IQCB1: variants seen among roughly 807,000 people sequenced by gnomAD.
IQCB1 encodes the protein IQ motif containing B1.
IQCB1 carries 56 observed loss-of-function variants against 84.4 expected under a neutral mutation model. The observed-to-expected ratio is 0.66, with a 90% CI of 0.54 to 0.83. The LOEUF (loss-of-function observed/expected upper bound fraction) is 0.83. Among genes scored for constraint, IQCB1 ranks in the 40% least tolerant of loss-of-function variants. The pLI is 0.00. For missense variants in IQCB1, 629 were observed against 682.1 expected, an observed-to-expected ratio of 0.92 and a Z score of 0.87; for synonymous variants, 210 against 234.8, an observed-to-expected ratio of 0.89 and a Z score of 0.96.
At chr3:121,814,669 A>G (rs1949979074) in intron 5 of IQCB1, among the ~76,000 whole-genome samples, 1 of 152,228 alleles carries the variant, frequency 6.6e-6, no homozygotes, top group Admixed American at 6.5e-5. Flanking sequence ...GAAGAAATGG[A>G]CAAATTCCTG....
intron 13 of IQCB1, 41 bp from the exon 14 acceptor site, chr3:121,772,754 T>C (rs754431096): frequency 1.2e-5 from 19 of 1,607,522 alleles, no homozygotes; most frequent in South Asian, 2.2e-5. Flanking sequence ...AGAGAGGACA[T>C]AGGTATCAAA....
chr3:121,794,630 C>A (rs1390025149), intron 10 of IQCB1, among the ~76,000 whole-genome samples: 1 of 152,098 alleles, frequency 6.6e-6, no homozygotes, highest in Non-Finnish European at 1.5e-5. Context: ...AAACGTTCAT[C>A]AATTAATAGG....
intron 10 of IQCB1, among the ~76,000 whole-genome samples, chr3:121,792,250 T>C (rs1333169521): frequency 6.6e-6 from 1 of 152,176 alleles, no homozygotes; most frequent in Non-Finnish European, 1.5e-5. Flanking sequence ...ATTTAATCTG[T>C]CAGAAAACTG....
chr3:121,808,206 T>C (rs550773556), intron 6 of IQCB1, among the ~76,000 whole-genome samples: 2 of 152,010 alleles, frequency 1.3e-5, no homozygotes, highest in South Asian at 2.1e-4. Context: ...GGGTCAGGGA[T>C]TGTGTGTGTT....
At chr3:121,787,548 C>T (rs973618082) in intron 12 of IQCB1, among the ~76,000 whole-genome samples, 2 of 151,988 alleles carry the variant, frequency 1.3e-5, no homozygotes, top group Non-Finnish European at 2.9e-5. Context: ...GTCTAGAGAT[C>T]GAGACCATCC....
At chr3:121,793,793 T>C (rs1488984764) in intron 10 of IQCB1, among the ~76,000 whole-genome samples, 1 of 152,194 alleles carries the variant, frequency 6.6e-6, no homozygotes, top group Admixed American at 6.5e-5. Context: ...AATAATGGAA[T>C]ATTAGATTCC....
chr3:121,811,051 G>A (rs748449507), intron 5 of IQCB1, among the ~76,000 whole-genome samples: 27 of 152,164 alleles, frequency 1.8e-4, no homozygotes, highest in Non-Finnish European at 3.4e-4. Context: ...TAGCAATGCA[G>A]AAGGCAGTGA....
At position 121,797,190 on chromosome 3, in the gene IQCB1, A is replaced by G. The variant is rs765859616; in HGVS notation, c.804T>C (p.Thr268=). Residue 268 remains threonine, a synonymous_variant, in exon 9 of 15, where the codon ACT becomes ACC. Transcript: ENST00000310864. ...GCTGTCTAAGTTCTTGACTGAATTC[A>G]GTCCCAGTTTCCTGTTTACTTAGTA... ...RRLLSKQETG[T]EFSQELRQLV... 8.7e-6 allele frequency: 14 copies of G among 1,609,308 alleles called. No homozygotes were observed. Among genetic ancestry groups the G allele is most frequent in the Non-Finnish European group, 1.1e-5 (13 of 1,176,776 alleles).
At chr3:121,811,827 G>A (rs1039941159) in intron 5 of IQCB1, among the ~76,000 whole-genome samples, 2 of 152,202 alleles carry the variant, frequency 1.3e-5, no homozygotes, top group African/African-American at 4.8e-5. Flanking sequence ...TGGGGACAGG[G>A]GAGACTGTGG....
intron 13 of IQCB1, 150 bp downstream of exon 13, chr3:121,781,593 T>A: frequency 1.3e-6 from 1 of 754,046 alleles, no homozygotes; most frequent in East Asian, 2.7e-5. Context: ...ATTACTTCTA[T>A]GGTAAAGCCA....
rs747859831 is a variant in IQCB1 at position 121,797,097 on chromosome 3, T to C, written c.876+21A>G. ...ATAGTCAGCAAATATCATGCAATTT[T>C]TTTTTTTTGTAACTTAATACCTGCT... is the stretch of plus-strand genomic sequence containing the variant. On this transcript the variant is annotated intron_variant, in intron 9 of 14. Transcript: ENST00000310864. The C allele has an allele frequency of 9.6e-6, 12 of 1,250,640 alleles. No homozygotes were observed. In the South Asian group the frequency reaches 1.4e-4, roughly 15 times the overall value. 77.5% of individuals were successfully genotyped at this position (1,250,640 alleles called of 1,614,324 possible).
chr3:121,804,601 T>A (rs547361005), intron 7 of IQCB1, among the ~76,000 whole-genome samples: 1 of 152,276 alleles, frequency 6.6e-6, no homozygotes, highest in Admixed American at 6.5e-5. Flanking sequence ...TCTCTATTTC[T>A]CTATATAATG....
Position 121,781,779 on chromosome 3 carries a change from C to T in IQCB1, c.1374G>A (p.Leu458=). The change falls in exon 13 of 15, where the codon CTG becomes CTA. Residue 458 remains leucine (L), a synonymous_variant. Transcript: ENST00000310864. ...QELTDARRVE[L]KKRVDDYVRR... ...TGACATAGTCATCCACTCGTTTCTTCAGTTCAACTCGGCGTGCATCAGTGA... is the reference window on the plus strand; with the variant it reads ...TGACATAGTCATCCACTCGTTTCTTTAGTTCAACTCGGCGTGCATCAGTGA... The T allele has an allele frequency of 6.2e-7, 1 of 1,613,816 alleles. No individual in the cohort carries two copies. The highest frequency in any genetic ancestry group is 8.5e-7 in the Non-Finnish European group (1 of 1,179,824).
At chr3:121,790,260 T>A (rs1220309438) in intron 10 of IQCB1, 45 bp from the exon 11 acceptor site, 3 of 1,568,844 alleles carry the variant, frequency 1.9e-6, no homozygotes, top group Admixed American at 1.7e-5. Flanking sequence ...ATAAATCATA[T>A]GAAAAAATGC....
At chr3:121,798,670 T>A (rs1219803738) in intron 8 of IQCB1, among the ~76,000 whole-genome samples, 1 of 151,972 alleles carries the variant, frequency 6.6e-6, no homozygotes, top group Non-Finnish European at 1.5e-5. Context: ...TGAAAGCTAT[T>A]ATATGAGAAT....
chr3:121,774,828 T>G (rs1188662760), intron 13 of IQCB1, among the ~76,000 whole-genome samples: 1 of 152,144 alleles, frequency 6.6e-6, no homozygotes, highest in Non-Finnish European at 1.5e-5. Flanking sequence ...GTGGTGAAGC[T>G]TGCACAAACA....
At position 121,796,880 on chromosome 3, in the gene IQCB1, T is replaced by C. The variant is rs6797348; in HGVS notation, c.876+238A>G. On this transcript the variant is annotated intron_variant, in intron 9 of 14. Coordinates refer to ENST00000310864, the MANE Select transcript of IQCB1 (RefSeq NM_001023570.4). Reference sequence around the variant, plus strand: ...ATTTTAAAGATGGGGTTTTGCTATTTTGACCAGGCTGGGGTGCAGTGGCTA... The same window carrying C: ...ATTTTAAAGATGGGGTTTTGCTATTCTGACCAGGCTGGGGTGCAGTGGCTA... Among the ~76,000 whole-genome samples the C allele has an allele frequency of 9.5e-3, 1,442 of 152,218 alleles. 17 individuals carry two copies. Among genetic ancestry groups the C allele is most frequent in the Non-Finnish European group, 0.015 (1,051 of 67,990 alleles).
chr3:121,781,922 T>C (rs758347399), intron 12 of IQCB1, 48 bp from the exon 13 acceptor site: 2 of 1,582,014 alleles, frequency 1.3e-6, no homozygotes, highest in Non-Finnish European at 1.7e-6. Context: ...CCCTAACTAA[T>C]AGAACTATTT....
chr3:121,831,009 T>C (rs1473044896), intron 2 of IQCB1, among the ~76,000 whole-genome samples: 1 of 152,124 alleles, frequency 6.6e-6, no homozygotes, highest in East Asian at 1.9e-4. Flanking sequence ...TGCCTATCCA[T>C]TGAAATCTCC....
Sources: allele counts gnomAD v4.1 joint callset (sites outside exome capture counted in the v4.1 genomes callset), GRCh38; gene constraint gnomAD v4.1.1; transcripts MANE v1.5; gene names NCBI Gene and HGNC (gene_info 2026-07-23, HGNC 2026-07-21).